FOXP2: variants seen among roughly 807,000 people sequenced by gnomAD.
FOXP2 encodes the protein forkhead box protein P2.
Under a neutral mutation model 115.8 loss-of-function variants are expected in FOXP2, and 12 were observed. The ratio of observed to expected loss-of-function variants is 0.10; its 90% confidence interval spans 0.07 to 0.17. FOXP2 has a LOEUF of 0.17. Among genes scored for constraint, FOXP2 ranks in the 10% least tolerant of loss-of-function variants. The pLI is 1.00. For missense variants in FOXP2, 629 were observed against 843.5 expected, an observed-to-expected ratio of 0.75 and a Z score of 3.15; for synonymous variants, 328 against 297.7, an observed-to-expected ratio of 1.10 and a Z score of -1.05.
intron 8 of FOXP2, chr7:114,645,003 A>T: frequency 2.2e-6 from 1 of 454,828 alleles, no homozygotes; most frequent in Non-Finnish European, 4.0e-6. Flanking sequence ...AGATTTTTGA[A>T]TGAATGAAAA....
intron 1 of FOXP2, among the ~76,000 whole-genome samples, chr7:114,200,277 G>T (rs761465672): frequency 2.0e-5 from 3 of 152,156 alleles, no homozygotes; most frequent in Non-Finnish European, 4.4e-5. Flanking sequence ...ATAACCAGAA[G>T]AATCCAGATC....
At chr7:114,370,940 A>C (rs962409394) in intron 2 of FOXP2, among the ~76,000 whole-genome samples, 2 of 152,000 alleles carry the variant, frequency 1.3e-5, no homozygotes, top group African/African-American at 4.8e-5. Flanking sequence ...TAACAGAGAA[A>C]CCCTGTTTTA....
Position 114,506,897 on chromosome 7 carries a change from T to C in FOXP2, c.169-27720T>C, listed in dbSNP as rs148203900. Among the ~76,000 whole-genome samples, 154 of 151,910 alleles carry C rather than the reference T, an allele frequency of 1.0e-3. 2 individuals are homozygous for C. The East Asian group carries it at 0.022, about 22-fold the overall frequency. On this transcript the variant is annotated intron_variant, in intron 2 of 16. Transcript: ENST00000350908. The stretch of plus-strand genomic sequence containing the variant: ...ATATATAAGCTATAAGCTATATTTA[T>C]TGTGGGCTAATGTATGTCTGCTTGT...
At chr7:114,266,598 A>ACTCAG in intron 1 of FOXP2, among the ~76,000 whole-genome samples, 1 of 152,276 alleles carries the variant, frequency 6.6e-6, no homozygotes, top group East Asian at 1.9e-4. Flanking sequence ...GCATCGGGAT[A>ACTCAG]TGAGGAATCC....
chr7:114,212,861 G>C (rs184991409), intron 1 of FOXP2, among the ~76,000 whole-genome samples: 3 of 152,344 alleles, frequency 2.0e-5, no homozygotes, highest in African/African-American at 7.2e-5. Context: ...GGCTGTGGAA[G>C]TAAATGGGCT....
At chr7:114,476,606 C>CT (rs1163038471) in intron 2 of FOXP2, among the ~76,000 whole-genome samples, 1 of 151,576 alleles carries the variant, frequency 6.6e-6, no homozygotes, top group South Asian at 2.1e-4. Flanking sequence ...TATTCAGGCT[C>CT]TTTTTTTGGT....
At chr7:114,488,071 T>C (rs1258229718) in intron 2 of FOXP2, among the ~76,000 whole-genome samples, 1 of 152,200 alleles carries the variant, frequency 6.6e-6, no homozygotes, top group Non-Finnish European at 1.5e-5. Context: ...ACAGATTTTA[T>C]GGACTCACAG....
At chr7:114,545,882 A>G (rs34234044) in intron 3 of FOXP2, among the ~76,000 whole-genome samples, 1,828 of 152,226 alleles carry the variant, frequency 0.012, 21 homozygotes, top group Middle Eastern at 0.037. Flanking sequence ...CATCCTCACC[A>G]GCACACACAC....
At position 114,691,954 on chromosome 7, in the gene FOXP2, A is replaced by AG; in HGVS notation, c.*2028_*2029insG. 1 of 419,370 alleles carries AG rather than the reference A, an allele frequency of 2.4e-6. No individual in the cohort carries two copies. Among genetic ancestry groups the AG allele is most frequent in the South Asian group, 1.8e-5 (1 of 56,642 alleles). 26.0% of individuals were successfully genotyped at this position (419,370 alleles called of 1,614,324 possible). A position where few individuals can be genotyped will look rare whatever the true frequency, so the allele number is the denominator to read the frequency against. ...CAAAAAAAAAAAAAGAAAAAAAAAA[A>AG]AAGAAAAACATTAGAACAATTATGG... is the stretch of plus-strand genomic sequence containing the variant. On this transcript the variant is annotated 3_prime_UTR_variant, in exon 17 of 17. Transcript: ENST00000350908.
chr7:114,401,593 T>C (rs1409002973), intron 2 of FOXP2, among the ~76,000 whole-genome samples: 7 of 152,174 alleles, frequency 4.6e-5, no homozygotes, highest in African/African-American at 1.7e-4. Flanking sequence ...ATATTGTCTT[T>C]CAGTTTGGCG....
At chr7:114,276,499 C>T (rs1471441155) in intron 1 of FOXP2, among the ~76,000 whole-genome samples, 1 of 152,042 alleles carries the variant, frequency 6.6e-6, no homozygotes, top group Non-Finnish European at 1.5e-5. Context: ...TTTTCCCCTC[C>T]CCCTGCTGGA....
At chr7:114,117,455 C>T (rs912368305) in intron 1 of FOXP2, among the ~76,000 whole-genome samples, 4 of 152,014 alleles carry the variant, frequency 2.6e-5, no homozygotes, top group African/African-American at 4.8e-5. Context: ...CTCCTGACCT[C>T]AAGTGATTCA....
At chr7:114,629,238 A>G (rs772688502) in intron 4 of FOXP2, among the ~76,000 whole-genome samples, 6 of 152,164 alleles carry the variant, frequency 3.9e-5, no homozygotes, top group Non-Finnish European at 7.4e-5. Flanking sequence ...TTCCTAATAA[A>G]TACCATATCG....
intron 2 of FOXP2, among the ~76,000 whole-genome samples, chr7:114,504,149 T>C (rs1006046060): frequency 6.6e-6 from 1 of 151,730 alleles, no homozygotes; most frequent in Non-Finnish European, 1.5e-5. Context: ...AGTTAATTTT[T>C]ACTGTAATCT....
intron 2 of FOXP2, among the ~76,000 whole-genome samples, chr7:114,401,404 T>A (rs1343067069): frequency 6.6e-6 from 1 of 152,164 alleles, no homozygotes; most frequent in Admixed American, 6.5e-5. Flanking sequence ...GATGGAGGCA[T>A]AAAAGTTATC....
rs548284550 is a variant in FOXP2, at chr7:114,178,260, T to C, written c.-102+15172T>C. 3.9e-4 allele frequency among the ~76,000 whole-genome samples: 59 copies of C among 152,060 alleles called. No individual in the cohort carries two copies. The South Asian group carries it at 0.012, about 31-fold the overall frequency. On this transcript the variant is annotated intron_variant, in intron 1 of 17. Coordinates refer to the FOXP2 transcript ENST00000634411. ...ATGCACACTCTGGAATCCATTACAA[T>C]TCATGTAAATTCTCCCAAGATCTTT...
chr7:114,155,546 C>G (rs532248491), intron 1 of FOXP2, among the ~76,000 whole-genome samples: 1 of 152,274 alleles, frequency 6.6e-6, no homozygotes, highest in Admixed American at 6.6e-5. Context: ...AATCCCTTTT[C>G]AGGTCTTTTC....
chr7:114,381,113 C>G (rs1284056357), intron 2 of FOXP2, among the ~76,000 whole-genome samples: 1 of 152,178 alleles, frequency 6.6e-6, no homozygotes, highest in African/African-American at 2.4e-5. Context: ...TTTTGTCATA[C>G]CTGTGAATCC....
intron 2 of FOXP2, among the ~76,000 whole-genome samples, chr7:114,393,331 A>G (rs1436742441): frequency 6.7e-6 from 1 of 150,314 alleles, no homozygotes; most frequent in Non-Finnish European, 1.5e-5. Flanking sequence ...TCTTACAGCC[A>G]TTGCTTGTGG....
Sources: allele counts gnomAD v4.1 joint callset (sites outside exome capture counted in the v4.1 genomes callset), GRCh38; gene constraint gnomAD v4.1.1; transcripts MANE v1.5; gene names NCBI Gene and HGNC (gene_info 2026-07-23, HGNC 2026-07-21).